The following MYRFL variants were observed in gnomAD, a reference collection of about 807,000 sequenced individuals.
MYRFL encodes myelin regulatory factor like, also known as myelin regulatory factor-like protein.
A neutral mutation model predicts 109.4 loss-of-function variants in MYRFL; 88 were observed. The ratio of observed to expected loss-of-function variants is 0.80; its 90% CI spans 0.68 to 0.96. MYRFL has a LOEUF of 0.96. Ranked by LOEUF, MYRFL falls within the 40% of genes least tolerant of loss-of-function variation. The probability of loss-of-function intolerance (pLI) is 0.00; values close to 1 mark genes in which losing one functional copy is unlikely to be tolerated. For synonymous variants in MYRFL, 324 were observed against 320.9 expected (o/e 1.01, Z -0.10); for missense variants, 957 against 954.9 (o/e 1.00, Z -0.03).
intron 8 of MYRFL, among the ~76,000 whole-genome samples, chr12:69,894,895 G>A (rs1454319214): frequency 6.6e-6 from 1 of 152,352 alleles, no homozygotes; most frequent in East Asian, 1.9e-4. Flanking sequence ...GTTCTCCCTT[G>A]TCTGGGCAGG....
rs183449446 is a variant in MYRFL at position 69,933,217 on chromosome 12, C to T, written c.1916+619C>T. Among the ~76,000 whole-genome samples, 212 of 151,978 alleles carry T rather than the reference C, an allele frequency of 1.4e-3. 2 individuals are homozygous for T. The highest frequency in any genetic ancestry group is 1.3e-3 in the Non-Finnish European group (90 of 68,012). ...ATCCCGCCTCTGCAGCCCGCAAAGG[C>T]GGGAGGCAGCCTTTGCTAGAATGCA... On this transcript the variant is annotated intron_variant, in intron 16 of 24. Coordinates refer to ENST00000552032, the MANE Select transcript of MYRFL (RefSeq NM_182530.3).
chr12:69,953,571 C>G (rs1326497798), intron 21 of MYRFL, among the ~76,000 whole-genome samples: 1 of 152,064 alleles, frequency 6.6e-6, no homozygotes, highest in Admixed American at 6.6e-5. Flanking sequence ...AAGGTCAAGA[C>G]CAGCCTGGGC....
At chr12:69,854,111 G>A (rs908103617) in intron 1 of MYRFL, among the ~76,000 whole-genome samples, 1 of 152,210 alleles carries the variant, frequency 6.6e-6, no homozygotes, top group African/African-American at 2.4e-5. Flanking sequence ...TCGGGAGGCC[G>A]AGGCGGGCAG....
In MYRFL at chr12:69,827,460, A is replaced by G. The variant is rs143876451; in HGVS notation, c.46+1897A>G. 5.3e-5 allele frequency among the ~76,000 whole-genome samples: 8 copies of G among 152,062 alleles called. 1 individual carries two copies. Among genetic ancestry groups the G allele is most frequent in the African/African-American group, 1.4e-4 (6 of 41,482 alleles). ...GTTCTAATTCAAATCCCTGTCTGCC[A>G]CTGATGCAATAGGTAGGCTTGTGAG... is the stretch of plus-strand genomic sequence containing the variant. On this transcript the variant is annotated intron_variant, in intron 1 of 24. Transcript: ENST00000552032.
intron 1 of MYRFL, among the ~76,000 whole-genome samples, chr12:69,830,432 T>C (rs969007113): frequency 5.3e-5 from 8 of 150,170 alleles, no homozygotes; most frequent in African/African-American, 1.9e-4. Flanking sequence ...CTATATATAT[T>C]ATAGATAATA....
intron 10 of MYRFL, among the ~76,000 whole-genome samples, chr12:69,902,996 G>C (rs1242473293): frequency 6.6e-6 from 1 of 152,214 alleles, no homozygotes; most frequent in Non-Finnish European, 1.5e-5. Flanking sequence ...TATCTTTTCA[G>C]AGTGTCAGTG....
chr12:69,886,728 C>T (rs928628915), intron 5 of MYRFL, 92 bp from the exon 6 acceptor site: 3 of 1,433,540 alleles, frequency 2.1e-6, no homozygotes, highest in Non-Finnish European at 2.8e-6. Context: ...CTCTGCCTTA[C>T]ACATGGCCCA....
rs1027237079 is a variant in MYRFL, at chr12:69,895,517, G to A, written c.1091+36G>A. 2.6e-6 allele frequency: 4 copies of A among 1,517,722 alleles called. No homozygotes were observed. In the African/African-American group the frequency reaches 5.5e-5, roughly 21 times the overall value. 94.0% of individuals were successfully genotyped at this position (1,517,722 alleles called of 1,614,324 possible). On this transcript the variant is annotated intron_variant, in intron 9 of 24. Coordinates refer to ENST00000552032, the MANE Select transcript of MYRFL (RefSeq NM_182530.3). ...CACTGTGTGCATGGCAGTGTGGCTG[G>A]GTACTTTATCTGGCCAGGAAGTGCC... is the stretch of plus-strand genomic sequence containing the variant.
At chr12:69,887,026 G>C (rs1271322417) in intron 6 of MYRFL, 56 bp downstream of exon 6, 7 of 1,514,862 alleles carry the variant, frequency 4.6e-6, no homozygotes, top group Non-Finnish European at 6.2e-6. Context: ...CTAAATCTCA[G>C]TACTGAGTTC....
intron 19 of MYRFL, among the ~76,000 whole-genome samples, chr12:69,949,551 C>T (rs1186596528): frequency 2.0e-5 from 3 of 152,080 alleles, no homozygotes; most frequent in Admixed American, 1.3e-4. Flanking sequence ...TTGTCCAACC[C>T]GCGGCCCATG....
chr12:69,929,467 A>G (rs1247707106), intron 15 of MYRFL, among the ~76,000 whole-genome samples: 2 of 152,204 alleles, frequency 1.3e-5, no homozygotes, highest in African/African-American at 4.8e-5. Context: ...AGCTTTGGCT[A>G]GACATCAATG....
At chr12:69,886,296 T>C (rs1196004692) in intron 5 of MYRFL, among the ~76,000 whole-genome samples, 1 of 152,160 alleles carries the variant, frequency 6.6e-6, no homozygotes, top group Non-Finnish European at 1.5e-5. Context: ...CCAGATGGGC[T>C]TTTCCCTCAT....
intron 12 of MYRFL, 98 bp from the exon 13 acceptor site, chr12:69,910,723 C>A: frequency 1.3e-6 from 1 of 741,246 alleles, no homozygotes. Flanking sequence ...TCCTTCTTTG[C>A]TGCAAATGTA....
At chr12:69,906,086 T>C (rs1954349128) in intron 11 of MYRFL, among the ~76,000 whole-genome samples, 1 of 152,224 alleles carries the variant, frequency 6.6e-6, no homozygotes, top group African/African-American at 2.4e-5. Context: ...AATGTAGTGG[T>C]CAAATATGTT....
chr12:69,874,444 C>G (rs1017051284), intron 2 of MYRFL, among the ~76,000 whole-genome samples: 1 of 152,178 alleles, frequency 6.6e-6, no homozygotes, highest in Non-Finnish European at 1.5e-5. Flanking sequence ...TCCCAAAGTG[C>G]TGGGATTATA....
intron 19 of MYRFL, among the ~76,000 whole-genome samples, chr12:69,948,605 A>T (rs1352724412): frequency 6.6e-6 from 1 of 152,218 alleles, no homozygotes; most frequent in Admixed American, 6.5e-5. Flanking sequence ...AAGCAGTCTT[A>T]AGCAAAACTA....
chr12:69,852,295 C>G (rs1029825909), intron 1 of MYRFL, among the ~76,000 whole-genome samples: 1 of 152,008 alleles, frequency 6.6e-6, no homozygotes, highest in African/African-American at 2.4e-5. Context: ...TTATTCAAAT[C>G]TTTTCTTAAG....
At chr12:69,946,703 G>A (rs1955847609) in intron 19 of MYRFL, 1 of 152,226 alleles carries the variant, frequency 6.6e-6, no homozygotes, top group Non-Finnish European at 1.5e-5. Flanking sequence ...AGGACCCCAT[G>A]TCAGGAGAAC....
At chr12:69,876,043 A>G (rs1399966410) in intron 2 of MYRFL, among the ~76,000 whole-genome samples, 1 of 152,342 alleles carries the variant, frequency 6.6e-6, no homozygotes, top group Non-Finnish European at 1.5e-5. Flanking sequence ...TGCCCCATAT[A>G]TGATAGATCA....
Sources: gnomAD v4.1 joint callset for allele counts (sites outside exome capture counted in the v4.1 genomes callset) on GRCh38, gnomAD v4.1.1 for gene constraint, MANE v1.5 for transcripts, NCBI Gene and HGNC (gene_info 2026-07-23, HGNC 2026-07-21) for gene names.